CACHD1: variants seen among roughly 807,000 people sequenced by gnomAD.
CACHD1 encodes the protein cache domain containing 1.
Under a neutral mutation model 138.7 loss-of-function variants are expected in CACHD1, and 71 were observed. That is an observed-to-expected ratio of 0.51 (90% CI 0.42 to 0.62). The LOEUF (loss-of-function observed/expected upper bound fraction) is 0.62, where lower values mean the gene tolerates loss of function less well. Ranked by LOEUF, CACHD1 falls within the 20% of genes least tolerant of loss-of-function variation. The pLI is 0.00. For synonymous variants in CACHD1, 578 were observed against 591.5 expected (o/e 0.98, Z 0.33); for missense variants, 1,389 against 1,625.3 (o/e 0.85, Z 2.50).
rs1042995569 is a variant in CACHD1 at position 64,477,006 on chromosome 1, G to A, written c.198+6064G>A. Among the ~76,000 whole-genome samples, 14 of 152,188 alleles carry A rather than the reference G, an allele frequency of 9.2e-5. No homozygotes were observed. In the South Asian group the frequency reaches 1.7e-3, roughly 18 times the overall value. ...ATTTATTGAAAGTCAAAATATGAAG[G>A]GACAACAGGGACAAGAATTTTGACT... is the stretch of plus-strand genomic sequence containing the variant. On this transcript the variant is annotated intron_variant, in intron 1 of 26. Coordinates refer to ENST00000651257, the MANE Select transcript of CACHD1 (RefSeq NM_020925.4).
At chr1:64,640,588 C>T (rs1475672822) in intron 7 of CACHD1, among the ~76,000 whole-genome samples, 1 of 151,760 alleles carries the variant, frequency 6.6e-6, no homozygotes, top group Non-Finnish European at 1.5e-5. Flanking sequence ...GCATGAGAAT[C>T]GCTTGAACCC....
chr1:64,517,995 T>G (rs762883404), intron 1 of CACHD1, among the ~76,000 whole-genome samples: 58 of 152,182 alleles, frequency 3.8e-4, no homozygotes, highest in Non-Finnish European at 1.2e-4. Flanking sequence ...TAGCACAGCT[T>G]GTGATCCTCT....
rs147439790 is a variant in CACHD1, at chr1:64,654,713, A to C, written c.1692A>C (p.Ala564=). 217 of 1,613,702 alleles carry C rather than the reference A, an allele frequency of 1.3e-4. No homozygotes were observed. Among genetic ancestry groups the C allele is most frequent in the Middle Eastern group, 8.2e-4 (5 of 6,080 alleles). ...TCCCTCTGGGCAGCCAGATTATCGC[A>C]GTCCCTGTGAACTCATCCCTGTCTT... ...LSLPLGSQII[A]VPVNSSLSWH... The change falls in exon 12 of 27, where the codon GCA becomes GCC. Residue 564 remains alanine (A), a synonymous_variant. Coordinates refer to ENST00000651257, the MANE Select transcript of CACHD1 (RefSeq NM_020925.4).
intron 6 of CACHD1, among the ~76,000 whole-genome samples, 187 bp from the exon 7 acceptor site, chr1:64,633,857 C>T (rs775346734): frequency 2.6e-5 from 4 of 152,186 alleles, no homozygotes; most frequent in Non-Finnish European, 5.9e-5. Flanking sequence ...GGTTTCCCCA[C>T]TTTACCAATC....
chr1:64,647,570 G>A (rs910775377), intron 8 of CACHD1, among the ~76,000 whole-genome samples: 7 of 151,846 alleles, frequency 4.6e-5, no homozygotes, highest in East Asian at 1.9e-4. Context: ...TTTCATTATC[G>A]CCCTGTGAAG....
At chr1:64,546,129 GGTTGTGTTCACAGTAA>G (rs1646716355) in intron 1 of CACHD1, among the ~76,000 whole-genome samples, 1 of 152,118 alleles carries the variant, frequency 6.6e-6, no homozygotes, top group African/African-American at 2.4e-5. Flanking sequence ...ACTCCCTTGG[GGTTGTGTTCACAGTAA>G]GAGTTCAGAT....
chr1:64,635,175 G>T (rs1648475276), intron 7 of CACHD1, among the ~76,000 whole-genome samples: 1 of 151,744 alleles, frequency 6.6e-6, no homozygotes, highest in Non-Finnish European at 1.5e-5. Flanking sequence ...GATCATGTCT[G>T]CACTTATGTC....
At chr1:64,571,042 G>A (rs932602700) in intron 2 of CACHD1, among the ~76,000 whole-genome samples, 2 of 152,032 alleles carry the variant, frequency 1.3e-5, no homozygotes, top group African/African-American at 4.8e-5. Context: ...CTGAAGCCTA[G>A]AAAGGCCTTT....
chr1:64,680,726 C>T (rs1650147686), intron 24 of CACHD1, among the ~76,000 whole-genome samples: 1 of 152,184 alleles, frequency 6.6e-6, no homozygotes, highest in Admixed American at 6.5e-5. Flanking sequence ...CTCACTCTAA[C>T]AGCTGTAATG....
intron 22 of CACHD1, among the ~76,000 whole-genome samples, 180 bp from the exon 23 acceptor site, chr1:64,677,979 C>T (rs1272548036): frequency 6.6e-6 from 1 of 152,074 alleles, no homozygotes; most frequent in African/African-American, 2.4e-5. Flanking sequence ...AGGCATAAAA[C>T]AGTTATTTCC....
intron 2 of CACHD1, among the ~76,000 whole-genome samples, chr1:64,554,246 A>G (rs1419573617): frequency 6.6e-6 from 1 of 152,230 alleles, no homozygotes; most frequent in Non-Finnish European, 1.5e-5. Flanking sequence ...ACCTCCGTAC[A>G]TAGTACAGAA....
chr1:64,527,033 C>A (rs1481724441), intron 1 of CACHD1, among the ~76,000 whole-genome samples: 6 of 152,154 alleles, frequency 3.9e-5, no homozygotes, highest in Admixed American at 3.9e-4. Context: ...TAGATCCTAC[C>A]TGATTTCTTC....
At chr1:64,654,172 A>T (rs2100685462) in intron 11 of CACHD1, among the ~76,000 whole-genome samples, 2 of 152,336 alleles carry the variant, frequency 1.3e-5, no homozygotes, top group South Asian at 4.1e-4. Flanking sequence ...CATTTTCAAA[A>T]AAAGTTCCAA....
chr1:64,540,056 T>C (rs946983585), intron 1 of CACHD1, among the ~76,000 whole-genome samples: 1 of 152,236 alleles, frequency 6.6e-6, no homozygotes, highest in Admixed American at 6.5e-5. Flanking sequence ...AAGGACTTGA[T>C]TGATTGCGTG....
chr1:64,639,728 C>A (rs896836454), intron 7 of CACHD1, among the ~76,000 whole-genome samples: 3 of 152,120 alleles, frequency 2.0e-5, no homozygotes, highest in African/African-American at 7.2e-5. Flanking sequence ...GTGTCTTCAC[C>A]ATTAGGATAA....
At chr1:64,593,350 T>C (rs578000138) in intron 3 of CACHD1, among the ~76,000 whole-genome samples, 134 of 152,330 alleles carry the variant, frequency 8.8e-4, no homozygotes, top group African/African-American at 3.1e-3. Flanking sequence ...TTTTTTCTAA[T>C]CCAATTTTAA....
intron 1 of CACHD1, among the ~76,000 whole-genome samples, chr1:64,471,453 G>A (rs1442000998): frequency 6.6e-6 from 1 of 152,180 alleles, no homozygotes; most frequent in Non-Finnish European, 1.5e-5. Flanking sequence ...ACCAATGGGC[G>A]CCGGGAGGGA....
chr1:64,576,427 T>C (rs1461026168), intron 2 of CACHD1, among the ~76,000 whole-genome samples: 1 of 152,016 alleles, frequency 6.6e-6, no homozygotes, highest in Non-Finnish European at 1.5e-5. Context: ...TACTCTGAGG[T>C]TCTGTTATGC....
intron 1 of CACHD1, among the ~76,000 whole-genome samples, chr1:64,493,825 G>A (rs547263800): frequency 1.3e-5 from 2 of 152,298 alleles, no homozygotes; most frequent in East Asian, 1.9e-4. Flanking sequence ...TAGCGAGCTC[G>A]TGGTTCTCAT....
Sources: allele counts gnomAD v4.1 joint callset (sites outside exome capture counted in the v4.1 genomes callset), GRCh38; gene constraint gnomAD v4.1.1; transcripts MANE v1.5; gene names NCBI Gene and HGNC (gene_info 2026-07-23, HGNC 2026-07-21).